Variants in STXBP5L observed in about 807,000 individuals in gnomAD.
STXBP5L encodes syntaxin binding protein 5L.
In STXBP5L, 65 loss-of-function variants were observed where a neutral mutation model predicts 144.5. That is an observed-to-expected ratio of 0.45 (90% CI 0.37 to 0.55). The LOEUF is 0.55. STXBP5L is among the 20% of genes least tolerant of loss of function. STXBP5L has a pLI of 0.00. For missense variants in STXBP5L, 1,298 were observed against 1,405.5 expected (o/e 0.92, Z 1.22); for synonymous variants, 505 against 469.6 (o/e 1.08, Z -0.97).
At chr3:121,073,854 G>T (rs1256040156) in intron 5 of STXBP5L, among the ~76,000 whole-genome samples, 1 of 152,196 alleles carries the variant, frequency 6.6e-6, no homozygotes, top group Non-Finnish European at 1.5e-5. Flanking sequence ...TGCCACACAT[G>T]TTCTCTTTTC....
At chr3:121,205,891 A>G (rs1577206442) in intron 9 of STXBP5L, 32 bp from the exon 10 acceptor site, 1 of 1,186,360 alleles carries the variant, frequency 8.4e-7, no homozygotes, top group Non-Finnish European at 1.2e-6. Context: ...TATAATTTAA[A>G]TTAGATTCAA....
intron 20 of STXBP5L, among the ~76,000 whole-genome samples, chr3:121,350,335 G>T (rs1296969078): frequency 6.6e-6 from 1 of 152,168 alleles, no homozygotes; most frequent in African/African-American, 2.4e-5. Flanking sequence ...TCAGCTGTTA[G>T]TATGATGGGC....
intron 5 of STXBP5L, among the ~76,000 whole-genome samples, chr3:121,051,891 A>C (rs993453973): frequency 7.9e-5 from 12 of 152,186 alleles, no homozygotes; most frequent in African/African-American, 2.7e-4. Flanking sequence ...TGCAATAAAA[A>C]ATGATAAAGG....
At chr3:121,282,432 A>T (rs1201050882) in intron 19 of STXBP5L, 1 of 1,186,998 alleles carries the variant, frequency 8.4e-7, no homozygotes. Flanking sequence ...TTCTTAAAAC[A>T]CATTCAGCAT....
chr3:121,010,660 A>G (rs77194738), intron 3 of STXBP5L, among the ~76,000 whole-genome samples: 15,068 of 151,936 alleles, frequency 0.099, 1,179 homozygotes, highest in Admixed American at 0.2. Context: ...GTTGACTGCA[A>G]GCCATACTAA....
At chr3:121,346,339 T>G (rs2108597328) in intron 20 of STXBP5L, among the ~76,000 whole-genome samples, 1 of 152,288 alleles carries the variant, frequency 6.6e-6, no homozygotes, top group African/African-American at 2.4e-5. Context: ...ATTTTCTTAA[T>G]CCACTCTATC....
chr3:120,974,193 T>C (rs1379589462), intron 3 of STXBP5L, among the ~76,000 whole-genome samples: 1 of 152,156 alleles, frequency 6.6e-6, no homozygotes, highest in Non-Finnish European at 1.5e-5. Context: ...CCACATCCTC[T>C]CTAGCACCTG....
intron 22 of STXBP5L, among the ~76,000 whole-genome samples, chr3:121,382,283 A>T (rs2046340128): frequency 6.6e-6 from 1 of 152,050 alleles, no homozygotes; most frequent in Non-Finnish European, 1.5e-5. Context: ...ATTATATAGA[A>T]GGTTACACTT....
chr3:121,068,889 T>C (rs1003549881), intron 5 of STXBP5L, among the ~76,000 whole-genome samples: 7 of 152,204 alleles, frequency 4.6e-5, no homozygotes, highest in African/African-American at 1.7e-4. Flanking sequence ...ATTATTTCAC[T>C]TTTTAAAATA....
chr3:121,030,685 A>G (rs1946303889), intron 3 of STXBP5L, among the ~76,000 whole-genome samples: 1 of 152,110 alleles, frequency 6.6e-6, no homozygotes, highest in African/African-American at 2.4e-5. Context: ...TAAAAAACAT[A>G]TAAATTCCCA....
intron 19 of STXBP5L, among the ~76,000 whole-genome samples, chr3:121,306,012 A>C (rs1256423598): frequency 2.6e-5 from 4 of 152,236 alleles, no homozygotes; most frequent in East Asian, 3.8e-4. Flanking sequence ...ACTTTAAAAA[A>C]ATACCATGTA....
chr3:121,121,953 C>G (rs774607762), intron 7 of STXBP5L, among the ~76,000 whole-genome samples: 1 of 150,724 alleles, frequency 6.6e-6, no homozygotes, highest in Non-Finnish European at 1.5e-5. Context: ...ATTTTGAGAA[C>G]GATAACATGT....
At chr3:121,191,371 C>T (rs2047673961) in intron 9 of STXBP5L, among the ~76,000 whole-genome samples, 2 of 152,156 alleles carry the variant, frequency 1.3e-5, no homozygotes, top group Admixed American at 1.3e-4. Flanking sequence ...AACCCTGTCT[C>T]CACCAAAAAA....
rs1321770361 is a variant in STXBP5L, at chr3:121,381,467, T to G, written c.2522T>G (p.Ile841Ser). 3 of 1,599,526 alleles carry G rather than the reference T, an allele frequency of 1.9e-6. No individual in the cohort carries two copies. Among genetic ancestry groups the G allele is most frequent in the Non-Finnish European group, 2.6e-6 (3 of 1,176,216 alleles). The change falls in exon 22 of 27, where the codon ATC becomes AGC. Residue 841 changes from isoleucine to serine, a missense_variant. By Grantham distance (142) the Ile-to-Ser change is moderately radical. Transcript: ENST00000471454. ...ACCAGTCTGGGAATGGTGTTAATCATCTCCTTAAACCTACCATTAGCAGAT... is the reference window on the plus strand; with the variant it reads ...ACCAGTCTGGGAATGGTGTTAATCAGCTCCTTAAACCTACCATTAGCAGAT... Reference protein sequence around the residue: ...VGTSLGMVLIISLNLPLADEQ... With the variant: ...VGTSLGMVLISSLNLPLADEQ...
chr3:121,224,894 G>A (rs2049074172), intron 11 of STXBP5L, among the ~76,000 whole-genome samples: 1 of 152,134 alleles, frequency 6.6e-6, no homozygotes, highest in Non-Finnish European at 1.5e-5. Context: ...AAGAAGATGT[G>A]TGAGCAATAG....
At chr3:121,008,277 T>A (rs1944502848) in intron 3 of STXBP5L, among the ~76,000 whole-genome samples, 1 of 151,954 alleles carries the variant, frequency 6.6e-6, no homozygotes, top group South Asian at 2.1e-4. Flanking sequence ...AATAACTCAT[T>A]CCTTTGCCAG....
At chr3:121,092,450 G>A (rs1438185217) in intron 5 of STXBP5L, among the ~76,000 whole-genome samples, 2 of 152,278 alleles carry the variant, frequency 1.3e-5, no homozygotes, top group African/African-American at 4.8e-5. Context: ...AGTTCATTGA[G>A]CAGTGGTTTG....
chr3:120,928,284 A>T (rs1709743417), intron 2 of STXBP5L, among the ~76,000 whole-genome samples: 1 of 151,282 alleles, frequency 6.6e-6, no homozygotes, highest in African/African-American at 2.4e-5. Flanking sequence ...TCCTCCTGAG[A>T]TGGAGTCTCA....
chr3:120,991,811 TG>T (rs1942908625), intron 3 of STXBP5L, among the ~76,000 whole-genome samples: 1 of 134,488 alleles, frequency 7.4e-6, no homozygotes, highest in Non-Finnish European at 1.6e-5. Context: ...GGGCCTGTTG[TG>T]GGGTGGGGGC....
Sources: allele counts gnomAD v4.1 joint callset (sites outside exome capture counted in the v4.1 genomes callset), GRCh38; gene constraint gnomAD v4.1.1; transcripts MANE v1.5; gene names NCBI Gene and HGNC (gene_info 2026-07-23, HGNC 2026-07-21).